The following AFF3 variants were observed in gnomAD, a reference collection of about 807,000 sequenced individuals.
The protein encoded by AFF3 is ALF transcription elongation factor 3.
A neutral mutation model predicts 129.7 loss-of-function variants in AFF3; 32 were observed. That is an observed-to-expected ratio of 0.25 (90% CI 0.19 to 0.33). AFF3 has a LOEUF of 0.33. Among genes scored for constraint, AFF3 ranks in the 10% least tolerant of loss-of-function variants. The probability of loss-of-function intolerance (pLI) is 1.00; values close to 1 mark genes in which losing one functional copy is unlikely to be tolerated. For missense variants in AFF3, 1,373 were observed against 1,592.0 expected, an observed-to-expected ratio of 0.86 and a Z score of 2.34; for synonymous variants, 644 against 635.4, an observed-to-expected ratio of 1.01 and a Z score of -0.20.
At chr2:99,764,575 AC>A (rs1000797503) in intron 8 of AFF3, among the ~76,000 whole-genome samples, 1 of 152,206 alleles carries the variant, frequency 6.6e-6, no homozygotes, top group African/African-American at 2.4e-5. Flanking sequence ...TCTTCGATCC[AC>A]CTGGTTTTCA....
intron 8 of AFF3, among the ~76,000 whole-genome samples, chr2:99,787,040 A>C (rs1353009706): frequency 1.3e-5 from 2 of 152,206 alleles, no homozygotes; most frequent in African/African-American, 2.4e-5. Flanking sequence ...TGATGGATTT[A>C]ATAGTATTAA....
At position 99,741,320 on chromosome 2, in the gene AFF3, C is replaced by A. The variant is rs1040696769; in HGVS notation, c.1039+2784G>T. ...GACATGATTGTATATCTAGAAAACCCCATTGTCTCAGCCCAAAATCTCCTT... is the reference window on the plus strand; with the variant it reads ...GACATGATTGTATATCTAGAAAACCACATTGTCTCAGCCCAAAATCTCCTT... On this transcript the variant is annotated intron_variant, in intron 10 of 24. Transcript: ENST00000672756. Among the ~76,000 whole-genome samples the A allele has an allele frequency of 3.2e-4, 49 of 152,108 alleles. 1 individual carries two copies. The highest frequency in any genetic ancestry group is 1.1e-3 in the African/African-American group (47 of 41,402).
intron 7 of AFF3, among the ~76,000 whole-genome samples, chr2:99,966,226 A>G (rs73964385): frequency 0.075 from 11,401 of 152,214 alleles, 1,172 homozygotes; most frequent in African/African-American, 0.23. Flanking sequence ...ACTAAATTAG[A>G]TGGACTTAAT....
intron 20 of AFF3, 121 bp downstream of exon 20, chr2:99,565,366 G>A: frequency 1.4e-6 from 2 of 1,396,662 alleles, no homozygotes; most frequent in Non-Finnish European, 9.8e-7. Context: ...CTTATTTTGG[G>A]GGGATGAACA....
At chr2:100,125,163 T>C (rs545904161) in intron 2 of AFF3, among the ~76,000 whole-genome samples, 1 of 152,144 alleles carries the variant, frequency 6.6e-6, no homozygotes, top group East Asian at 1.9e-4. Context: ...GTTGATAAAA[T>C]GAGAAATGGA....
rs1675144417 is a variant in AFF3 at position 99,558,370 on chromosome 2, T to C, written c.3285+505A>G. Among the ~76,000 whole-genome samples the C allele has an allele frequency of 2.0e-5, 3 of 152,120 alleles. No homozygotes were observed. The South Asian group carries it at 6.2e-4, about 32-fold the overall frequency. On this transcript the variant is annotated intron_variant, in intron 22 of 24. Coordinates refer to ENST00000672756, the MANE Select transcript of AFF3 (RefSeq NM_001386135.1). ...GCGTGGTGGCTCACACCTGTATTCC[T>C]AGCACTCTGGGAGGTGGAGGCGGGG...
intron 7 of AFF3, among the ~76,000 whole-genome samples, chr2:99,980,105 T>C (rs1054561599): frequency 1.1e-4 from 16 of 152,208 alleles, no homozygotes; most frequent in African/African-American, 3.4e-4. Flanking sequence ...ACTATTGTCA[T>C]AGCATGTTAT....
intron 11 of AFF3, among the ~76,000 whole-genome samples, chr2:99,697,884 G>A (rs1676450340): frequency 6.6e-6 from 1 of 152,228 alleles, no homozygotes; most frequent in Non-Finnish European, 1.5e-5. Context: ...ATGAACACAA[G>A]GTAAGGTAGT....
intron 8 of AFF3, among the ~76,000 whole-genome samples, chr2:99,762,192 T>C (rs1321976188): frequency 1.3e-5 from 2 of 151,242 alleles, no homozygotes; most frequent in Non-Finnish European, 1.5e-5. Flanking sequence ...TGGCGTGATC[T>C]CAGCTCACTG....
chr2:99,903,954 A>T (rs1471188652), intron 7 of AFF3, among the ~76,000 whole-genome samples: 1 of 152,124 alleles, frequency 6.6e-6, no homozygotes, highest in African/African-American at 2.4e-5. Flanking sequence ...ATTTAATAAC[A>T]TCTCATTCCT....
intron 7 of AFF3, among the ~76,000 whole-genome samples, chr2:99,884,312 T>C (rs1329147468): frequency 6.6e-6 from 1 of 152,242 alleles, no homozygotes; most frequent in Non-Finnish European, 1.5e-5. Flanking sequence ...GTACTTTCGT[T>C]GTACGGCTTG....
At chr2:99,753,478 T>G (rs1681839883) in intron 8 of AFF3, among the ~76,000 whole-genome samples, 1 of 152,142 alleles carries the variant, frequency 6.6e-6, no homozygotes, top group Non-Finnish European at 1.5e-5. Flanking sequence ...TTCAGAAAAG[T>G]GAGAAATTCT....
intron 13 of AFF3, among the ~76,000 whole-genome samples, chr2:99,611,561 C>T (rs1399968095): frequency 6.6e-6 from 1 of 151,802 alleles, no homozygotes; most frequent in Non-Finnish European, 1.5e-5. Flanking sequence ...AGTTTTTTTT[C>T]CCCCCACGGT....
chr2:100,035,930 G>C (rs576496224), intron 4 of AFF3, among the ~76,000 whole-genome samples: 10 of 152,116 alleles, frequency 6.6e-5, no homozygotes, highest in African/African-American at 2.4e-4. Context: ...TGCAAGTAAA[G>C]AAGCATTCTT....
intron 12 of AFF3, among the ~76,000 whole-genome samples, chr2:99,652,828 C>T (rs1403104545): frequency 6.6e-6 from 1 of 152,160 alleles, no homozygotes; most frequent in African/African-American, 2.4e-5. Flanking sequence ...TGAATGAAGA[C>T]CCCATGTCCT....
At chr2:99,799,324 G>C (rs1293859605) in intron 8 of AFF3, among the ~76,000 whole-genome samples, 10 of 151,620 alleles carry the variant, frequency 6.6e-5, no homozygotes, top group Non-Finnish European at 7.4e-5. Context: ...GAAAAGAATA[G>C]TGAAAAGAGA....
chr2:99,789,243 T>C (rs1685022644), intron 8 of AFF3, among the ~76,000 whole-genome samples: 1 of 152,036 alleles, frequency 6.6e-6, no homozygotes, highest in Non-Finnish European at 1.5e-5. Context: ...GAGACCATCC[T>C]GGGCAACACA....
intron 7 of AFF3, among the ~76,000 whole-genome samples, chr2:99,942,373 G>A (rs1488439009): frequency 1.3e-5 from 2 of 152,132 alleles, no homozygotes; most frequent in Non-Finnish European, 2.9e-5. Context: ...GCAAGTTAGA[G>A]GGTGGACAAG....
chr2:99,784,190 C>A (rs2105397749), intron 8 of AFF3, among the ~76,000 whole-genome samples: 1 of 152,320 alleles, frequency 6.6e-6, no homozygotes, highest in Non-Finnish European at 1.5e-5. Context: ...CAATCAGAAC[C>A]AAGCCCAGAT....
Sources: allele counts gnomAD v4.1 joint callset (sites outside exome capture counted in the v4.1 genomes callset), GRCh38; gene constraint gnomAD v4.1.1; transcripts MANE v1.5; gene names NCBI Gene and HGNC (gene_info 2026-07-23, HGNC 2026-07-21).